The following ANKAR variants were observed in gnomAD, a reference collection of about 807,000 sequenced individuals.
The protein encoded by ANKAR is ankyrin and armadillo repeat containing.
In ANKAR, 136 loss-of-function variants were observed where a neutral mutation model predicts 146.2. The observed-to-expected ratio is 0.93, with a 90% CI of 0.81 to 1.07. ANKAR has a LOEUF of 1.07. Among genes scored for constraint, ANKAR ranks in the 50% least tolerant of loss-of-function variants. ANKAR has a pLI of 0.00. For missense variants in ANKAR, 1,567 were observed against 1,679.9 expected (o/e 0.93, Z 1.18); for synonymous variants, 500 against 575.8 (o/e 0.87, Z 1.88).
chr2:189,761,722 A>T, downstream of ANKAR: 1 of 1,415,160 alleles, frequency 7.1e-7, no homozygotes. Context: ...CTTATTTTTC[A>T]ATATATAGTT....
At chr2:189,712,084 C>T (rs553578605) in intron 10 of ANKAR, among the ~76,000 whole-genome samples, 11 of 152,322 alleles carry the variant, frequency 7.2e-5, no homozygotes, top group South Asian at 4.1e-4. Context: ...GTAAACAAAG[C>T]GGCCGGGAAG....
intron 5 of ANKAR, 21 bp from the exon 6 acceptor site, chr2:189,694,960 T>G: frequency 7.2e-7 from 1 of 1,393,322 alleles, no homozygotes. Flanking sequence ...GAAACATCTT[T>G]TTTTTCTTTA....
At chr2:189,702,830 AT>A (rs935434483) in intron 7 of ANKAR, among the ~76,000 whole-genome samples, 4 of 152,192 alleles carry the variant, frequency 2.6e-5, no homozygotes, top group Non-Finnish European at 5.9e-5. Flanking sequence ...CTGAGGAAAT[AT>A]CTTTTAAACT....
At chr2:189,710,939 G>C in intron 9 of ANKAR, 110 bp from the exon 10 acceptor site, 1 of 817,432 alleles carries the variant, frequency 1.2e-6, no homozygotes, top group Non-Finnish European at 2.0e-6. Context: ...GGTGGTAATA[G>C]TGGTGACCTC....
At chr2:189,755,119 T>G in intron 18 of ANKAR, 1 of 1,566,750 alleles carries the variant, frequency 6.4e-7, no homozygotes, top group Non-Finnish European at 8.6e-7. Context: ...TATTGCTACT[T>G]AGTTGAAATG....
chr2:189,713,813 C>T (rs1168564438), intron 10 of ANKAR, among the ~76,000 whole-genome samples: 1 of 152,154 alleles, frequency 6.6e-6, no homozygotes, highest in East Asian at 1.9e-4. Context: ...AAGACACGGA[C>T]TGGCAAATTG....
At chr2:189,683,097 A>G (rs1271410664) in intron 2 of ANKAR, among the ~76,000 whole-genome samples, 2 of 152,210 alleles carry the variant, frequency 1.3e-5, no homozygotes, top group African/African-American at 4.8e-5. Context: ...GGATACAGCA[A>G]GAAGGTACCG....
chr2:189,750,453 A>ATT (rs1559160189), downstream of ANKAR: 81 of 454,454 alleles, frequency 1.8e-4, 2 homozygotes, highest in South Asian at 1.8e-3. Context: ...ATCAAATAGA[A>ATT]AAAAAAAAAT....
chr2:189,759,651 C>T (rs2046679711), intron 18 of ANKAR, among the ~76,000 whole-genome samples: 3 of 152,340 alleles, frequency 2.0e-5, no homozygotes, highest in South Asian at 4.1e-4. Context: ...GATTCAAATA[C>T]AGGACTGTGA....
In ANKAR at chr2:189,720,768, A is replaced by G; in HGVS notation, c.2616A>G (p.Arg872=). The G allele has an allele frequency of 6.7e-7, 1 of 1,493,886 alleles. No homozygotes were observed. Among genetic ancestry groups the G allele is most frequent in the Non-Finnish European group, 8.9e-7 (1 of 1,128,198 alleles). 92.5% of individuals were successfully genotyped at this position (1,493,886 alleles called of 1,614,324 possible). A position where few individuals can be genotyped will look rare whatever the true frequency, so the allele number is the denominator to read the frequency against. ...ATAAAGGCCTCCCATATCTTATCAG[A>G]TTTCTGAGTTCTGATTCAGGTGAGC... ...REHKGLPYLI[R]FLSSDSDVLK... Residue 872 remains arginine (R), a synonymous_variant, in exon 12 of 23, where the codon AGA becomes AGG. Coordinates refer to ENST00000684021, the MANE Select transcript of ANKAR (RefSeq NM_001378068.1).
intron 2 of ANKAR, among the ~76,000 whole-genome samples, chr2:189,678,400 C>T (rs1559049094): frequency 6.6e-6 from 1 of 152,040 alleles, no homozygotes; most frequent in Non-Finnish European, 1.5e-5. Flanking sequence ...TGTCTGTTTA[C>T]TGATTGTTTC....
chr2:189,731,264 C>G (rs949307659), intron 16 of ANKAR, among the ~76,000 whole-genome samples: 1 of 150,512 alleles, frequency 6.6e-6, no homozygotes, highest in African/African-American at 2.4e-5. Flanking sequence ...ATTATAACAT[C>G]AAAAAAAATT....
At chr2:189,736,853 C>T (rs924809941) in intron 17 of ANKAR, among the ~76,000 whole-genome samples, 3 of 151,694 alleles carry the variant, frequency 2.0e-5, no homozygotes, top group African/African-American at 4.8e-5. Flanking sequence ...CGAGCAGACA[C>T]CTTGAGCTCA....
At position 189,689,670 on chromosome 2, in the gene ANKAR, T is replaced by C. The variant is rs1281033211; in HGVS notation, c.745T>C (p.Phe249Leu). Residue 249 changes from phenylalanine (F) to leucine (L), a missense_variant, in exon 3 of 23, where the codon TTC becomes CTC. Coordinates refer to ENST00000684021, the MANE Select transcript of ANKAR (RefSeq NM_001378068.1). The part of the protein sequence containing the change: ...YAENIMLKLT[F>L]STTQIQQYEN... ...TGAAAATATTATGCTAAAGTTAACA[T>C]TCAGTACCACACAAATTCAACAGTA... 1 of 1,613,796 alleles carries C rather than the reference T, an allele frequency of 6.2e-7. No homozygotes were observed. Among genetic ancestry groups the C allele is most frequent in the South Asian group, 1.1e-5 (1 of 91,048 alleles).
intron 12 of ANKAR, among the ~76,000 whole-genome samples, chr2:189,726,166 T>C (rs1325814103): frequency 1.3e-5 from 2 of 152,130 alleles, no homozygotes; most frequent in African/African-American, 4.8e-5. Context: ...AATTTTGATA[T>C]TTACATGGTC....
intron 12 of ANKAR, among the ~76,000 whole-genome samples, chr2:189,721,591 C>T (rs1387576403): frequency 2.6e-5 from 4 of 152,114 alleles, no homozygotes; most frequent in Non-Finnish European, 4.4e-5. Flanking sequence ...TCCTAAAGTG[C>T]GTCTCAGTAC....
rs984888356 is a variant in ANKAR at position 189,738,546 on chromosome 2, G to C, written c.3583-19G>C. The C allele has an allele frequency of 6.2e-6, 9 of 1,447,324 alleles. No homozygotes were observed. The highest frequency in any genetic ancestry group is 7.6e-6 in the Non-Finnish European group (8 of 1,047,224). The allele number at this position is 1,447,324 out of a possible 1,614,324, so 89.7% of individuals were successfully genotyped here. ...AGTAGAAAATGTTCAAAGACTCTCT[G>C]CTTCTTTTCTGTTTTCAGATTGTTG... On this transcript the variant is annotated intron_variant, in intron 18 of 22. Coordinates refer to ENST00000684021, the MANE Select transcript of ANKAR (RefSeq NM_001378068.1).
chr2:189,737,510 G>A (rs2042964549), intron 17 of ANKAR, among the ~76,000 whole-genome samples, 173 bp from the exon 18 acceptor site: 1 of 152,164 alleles, frequency 6.6e-6, no homozygotes, highest in South Asian at 2.1e-4. Flanking sequence ...ACTTTGAAAT[G>A]TTGAAAGTTA....
intron 7 of ANKAR, 134 bp from the exon 8 acceptor site, chr2:189,704,889 T>G: frequency 1.4e-6 from 1 of 722,196 alleles, no homozygotes; most frequent in Non-Finnish European, 2.2e-6. Flanking sequence ...TGTCTAAATT[T>G]TTTTTTAATG....
Sources: allele counts gnomAD v4.1 joint callset (sites outside exome capture counted in the v4.1 genomes callset), GRCh38; gene constraint gnomAD v4.1.1; transcripts MANE v1.5; gene names NCBI Gene and HGNC (gene_info 2026-07-23, HGNC 2026-07-21).